The following FHIT variants were observed in gnomAD, a reference collection of about 807,000 sequenced individuals.
FHIT encodes the protein fragile histidine triad diadenosine triphosphatase, also known as bis(5'-adenosyl)-triphosphatase.
In FHIT, 19 loss-of-function variants were observed where a neutral mutation model predicts 17.9. That is an observed-to-expected ratio of 1.06 (90% CI 0.74 to 1.56). The LOEUF is 1.56. Among genes scored for constraint, FHIT ranks in the 40% most tolerant of loss-of-function variants. FHIT has a pLI of 0.00. For missense variants in FHIT, 248 were observed against 189.2 expected (o/e 1.31, Z -1.82); for synonymous variants, 81 against 69.7 (o/e 1.16, Z -0.81).
rs549909412 is a variant in FHIT at position 60,983,328 on chromosome 3, C to T, written c.-111+58719G>A. Among the ~76,000 whole-genome samples, 8 of 152,180 alleles carry T rather than the reference C, an allele frequency of 5.3e-5. No homozygotes were observed. The Middle Eastern group carries it at 0.024, about 453-fold the overall frequency. ...GGGACGGAGAACAAGCAGATAGATA[C>T]AAGGGTATATTTCTGAGCTGGCTGC... On this transcript the variant is annotated intron_variant, in intron 3 of 9. Coordinates refer to ENST00000492590, the MANE Select transcript of FHIT (RefSeq NM_002012.4).
intron 5 of FHIT, among the ~76,000 whole-genome samples, chr3:60,314,911 C>A (rs1709099653): frequency 6.6e-6 from 1 of 152,064 alleles, no homozygotes; most frequent in Non-Finnish European, 1.5e-5. Flanking sequence ...CAGTGAGAGC[C>A]TGTCTCTATT....
intron 2 of FHIT, among the ~76,000 whole-genome samples, chr3:61,081,398 G>A (rs1361726448): frequency 6.6e-6 from 1 of 152,196 alleles, no homozygotes; most frequent in African/African-American, 2.4e-5. Flanking sequence ...GGAGATTTAG[G>A]TGAATTCCTG....
At chr3:60,847,258 A>C (rs1405985792) in intron 3 of FHIT, among the ~76,000 whole-genome samples, 1 of 152,208 alleles carries the variant, frequency 6.6e-6, no homozygotes, top group Non-Finnish European at 1.5e-5. Context: ...AATCCTGTAG[A>C]GAAGAATATG....
intron 8 of FHIT, among the ~76,000 whole-genome samples, chr3:59,804,550 G>T (rs1215108915): frequency 6.6e-6 from 1 of 152,226 alleles, no homozygotes; most frequent in Non-Finnish European, 1.5e-5. Context: ...GGGCTCAAGG[G>T]CCCCGTTACA....
intron 4 of FHIT, among the ~76,000 whole-genome samples, chr3:60,699,720 T>G (rs1553701568): frequency 2.0e-5 from 3 of 150,404 alleles, no homozygotes; most frequent in Non-Finnish European, 4.4e-5. Flanking sequence ...AGCATTATCT[T>G]AAAGTACAAC....
At chr3:60,673,056 A>G (rs1044072087) in intron 4 of FHIT, among the ~76,000 whole-genome samples, 1 of 152,150 alleles carries the variant, frequency 6.6e-6, no homozygotes, top group African/African-American at 2.4e-5. Context: ...TTCTATTTGC[A>G]TTATAATCCT....
At chr3:60,439,868 G>A (rs2030637587) in intron 5 of FHIT, among the ~76,000 whole-genome samples, 1 of 152,044 alleles carries the variant, frequency 6.6e-6, no homozygotes, top group South Asian at 2.1e-4. Flanking sequence ...TTCTTTCTTT[G>A]TGCTGTGGGC....
chr3:60,029,887 G>GTGTGTGTGTC (rs1270916826), intron 5 of FHIT, among the ~76,000 whole-genome samples: 15 of 98,296 alleles, frequency 1.5e-4, no homozygotes, highest in African/African-American at 4.9e-4. Context: ...CATTGTGTGT[G>GTGTGTGTGTC]TGTGTGTGTC....
intron 5 of FHIT, among the ~76,000 whole-genome samples, chr3:60,106,144 G>A (rs1448745002): frequency 6.6e-6 from 1 of 152,148 alleles, no homozygotes; most frequent in Non-Finnish European, 1.5e-5. Context: ...AGCTATCTCT[G>A]TTACCAGATC....
At chr3:60,733,399 G>A (rs960662795) in intron 4 of FHIT, among the ~76,000 whole-genome samples, 1 of 152,102 alleles carries the variant, frequency 6.6e-6, no homozygotes, top group Non-Finnish European at 1.5e-5. Flanking sequence ...CTATATTCCT[G>A]TGTAGCACAC....
At chr3:60,446,158 C>T (rs1249745920) in intron 5 of FHIT, among the ~76,000 whole-genome samples, 2 of 152,036 alleles carry the variant, frequency 1.3e-5, no homozygotes, top group East Asian at 3.9e-4. Flanking sequence ...GGGAGAACTG[C>T]AACTAATTAG....
chr3:60,517,532 G>T lies in FHIT; in HGVS notation c.103+19328C>A, dbSNP rs138093860. ...TATGAATTTTTTGCTCTTCATCAAC[G>T]GTCAAAGGGTGGTCTTCAGTCCAAT... On this transcript the variant is annotated intron_variant, in intron 5 of 9. Transcript: ENST00000492590. Among the ~76,000 whole-genome samples, 519 of 152,230 alleles carry T rather than the reference G, an allele frequency of 3.4e-3. 5 individuals carry two copies. Among genetic ancestry groups the T allele is most frequent in the Non-Finnish European group, 2.3e-3 (155 of 68,014 alleles).
chr3:60,137,863 A>G (rs11715209), intron 5 of FHIT, among the ~76,000 whole-genome samples: 25,543 of 152,192 alleles, frequency 0.17, 2,753 homozygotes, highest in South Asian at 0.28. Flanking sequence ...ATCTACACAT[A>G]AGAGACCCTA....
chr3:60,771,034 C>T (rs1700025601), intron 4 of FHIT, among the ~76,000 whole-genome samples: 1 of 152,214 alleles, frequency 6.6e-6, no homozygotes, highest in Non-Finnish European at 1.5e-5. Flanking sequence ...GTGGAATCTG[C>T]AACCTACTCC....
chr3:59,968,044 T>C (rs539076009), intron 7 of FHIT, among the ~76,000 whole-genome samples: 4 of 152,188 alleles, frequency 2.6e-5, no homozygotes, highest in African/African-American at 7.2e-5. Context: ...AATATAGTAA[T>C]ATTCAAAAAG....
At chr3:60,878,744 G>GT (rs1467232215) in intron 3 of FHIT, among the ~76,000 whole-genome samples, 1 of 152,000 alleles carries the variant, frequency 6.6e-6, no homozygotes, top group Non-Finnish European at 1.5e-5. Flanking sequence ...GCGGTGTTTG[G>GT]TTTTTTGTCC....
intron 7 of FHIT, among the ~76,000 whole-genome samples, chr3:59,941,573 T>C (rs569624829): frequency 7.2e-5 from 11 of 152,176 alleles, no homozygotes; most frequent in Non-Finnish European, 1.6e-4. Flanking sequence ...AGAGTTGGGA[T>C]GTTTTACTGC....
At chr3:60,390,420 A>C (rs67809878) in intron 5 of FHIT, among the ~76,000 whole-genome samples, 30,566 of 116,312 alleles carry the variant, frequency 0.26, 5,464 homozygotes, top group Non-Finnish European at 0.35. Context: ...AAAAAAAAAA[A>C]AAAAAAAACC....
intron 5 of FHIT, among the ~76,000 whole-genome samples, chr3:60,249,919 G>C (rs907382162): frequency 1.3e-5 from 2 of 152,088 alleles, no homozygotes; most frequent in African/African-American, 4.8e-5. Flanking sequence ...AGGAAGGAGA[G>C]CCTGTACAGA....
Sources: gnomAD v4.1 joint callset for allele counts (sites outside exome capture counted in the v4.1 genomes callset) on GRCh38, gnomAD v4.1.1 for gene constraint, MANE v1.5 for transcripts, NCBI Gene and HGNC (gene_info 2026-07-23, HGNC 2026-07-21) for gene names.